Variants in FARP1 observed in about 807,000 individuals in gnomAD.
FARP1 encodes FERM, ARH/RhoGEF and pleckstrin domain protein 1.
A neutral mutation model predicts 128.8 loss-of-function variants in FARP1; 52 were observed. That is an observed-to-expected ratio of 0.40 (90% CI 0.32 to 0.51). The LOEUF is 0.51. Among genes scored for constraint, FARP1 ranks in the 20% least tolerant of loss-of-function variants. The pLI, the probability that FARP1 is intolerant of heterozygous loss-of-function variation, is 0.45. For synonymous variants in FARP1, 580 were observed against 551.8 expected, an observed-to-expected ratio of 1.05 and a Z score of -0.72; for missense variants, 1,333 against 1,367.9, an observed-to-expected ratio of 0.97 and a Z score of 0.40.
intron 1 of FARP1, among the ~76,000 whole-genome samples, chr13:98,159,821 A>G (rs1338979358): frequency 3.9e-5 from 6 of 152,062 alleles, no homozygotes; most frequent in Non-Finnish European, 8.8e-5. Flanking sequence ...TTAATTATGG[A>G]GTATTTGGCA....
intron 1 of FARP1, among the ~76,000 whole-genome samples, chr13:98,161,528 C>A (rs565883015): frequency 1.3e-5 from 2 of 151,852 alleles, no homozygotes; most frequent in Admixed American, 6.6e-5. Context: ...CTTCAGTAGT[C>A]TTTAAGTCAA....
At chr13:98,214,488 A>G (rs79707870) in intron 2 of FARP1, among the ~76,000 whole-genome samples, 2,373 of 152,252 alleles carry the variant, frequency 0.016, 59 homozygotes, top group African/African-American at 0.054. Flanking sequence ...CATAGAGATG[A>G]TCTGTGTGTC....
Position 98,446,676 on chromosome 13 carries a change from C to T in FARP1, c.2915C>T (p.Pro972Leu). 6.2e-7 allele frequency: 1 copy of T among 1,614,106 alleles called. No homozygotes were observed. The highest frequency in any genetic ancestry group is 2.2e-5 in the East Asian group (1 of 44,860). Residue 972 changes from proline to leucine, a missense_variant, in exon 26 of 27, where the codon CCC (proline) becomes CTC (leucine). Pro to Leu is a moderately conservative substitution (Grantham distance 98). Around this residue, in one of 2 missense-constraint regions of FARP1, gnomAD observed 1,009 missense variants for 969.8 expected, o/e 1.04. Transcript: ENST00000319562. Reference protein sequence around the residue: ...FFYKSHQDNHPLASLPLLGYS... With the variant: ...FFYKSHQDNHLLASLPLLGYS... ...GTTTCCCCTTTCCAGGACAATCATC[C>T]CCTTGCCAGCCTGCCTCTGCTCGGC...
rs1444314074 is a variant in FARP1 at position 98,450,926 on chromosome 13, TC to T, written c.*2611del. 14 of 152,046 alleles carry T rather than the reference TC, an allele frequency of 9.2e-5. No individual in the cohort carries two copies. The highest frequency in any genetic ancestry group is 3.4e-4 in the African/African-American group (14 of 41,366). The allele number at this position is 152,046 out of a possible 1,614,324, so 9.4% of individuals were successfully genotyped here. ...TGTACACAGAGGCGAGCTTTCTAAC[TC>T]CATCAAACCCCACCTCCCCCGACAG... On this transcript the variant is annotated 3_prime_UTR_variant, in exon 27 of 27. Transcript: ENST00000319562.
intron 1 of FARP1, among the ~76,000 whole-genome samples, chr13:98,146,009 C>T (rs1875526921): frequency 6.6e-6 from 1 of 151,810 alleles, no homozygotes; most frequent in South Asian, 2.1e-4. Flanking sequence ...TATTGAACAC[C>T]TAAGAGCTTA....
intron 2 of FARP1, among the ~76,000 whole-genome samples, chr13:98,223,032 G>A (rs1881519262): frequency 6.6e-6 from 1 of 152,084 alleles, no homozygotes; most frequent in Admixed American, 6.6e-5. Context: ...ATCTCCACAT[G>A]GTAGTTACTG....
intron 1 of FARP1, among the ~76,000 whole-genome samples, chr13:98,172,257 G>A (rs556482843): frequency 1.3e-5 from 2 of 152,132 alleles, no homozygotes; most frequent in African/African-American, 2.4e-5. Context: ...GGGATGTCTC[G>A]GTGGCTGTCG....
chr13:98,379,122 A>T (rs1383673031), intron 6 of FARP1, among the ~76,000 whole-genome samples: 1 of 54,156 alleles, frequency 1.8e-5, no homozygotes, highest in Non-Finnish European at 2.9e-5. Context: ...ATCTATATAT[A>T]ATATATATAT....
chr13:98,257,382 C>A (rs186812267), intron 2 of FARP1, among the ~76,000 whole-genome samples: 2 of 152,284 alleles, frequency 1.3e-5, no homozygotes, highest in East Asian at 3.9e-4. Context: ...AATACACATT[C>A]TTCTTTTCCT....
intron 2 of FARP1, among the ~76,000 whole-genome samples, chr13:98,216,182 C>T (rs1219347280): frequency 6.6e-6 from 1 of 152,172 alleles, no homozygotes; most frequent in East Asian, 1.9e-4. Flanking sequence ...CACATATCAG[C>T]ATTTTTATTG....
At chr13:98,388,553 C>T (rs150600181) in intron 9 of FARP1, 75 bp downstream of exon 9, 1,357 of 1,106,934 alleles carry the variant, frequency 1.2e-3, no homozygotes, top group Non-Finnish European at 1.8e-3. Flanking sequence ...TGGAGGTCTG[C>T]TTGGCAGGGC....
rs1229443060 is a variant in FARP1, at chr13:98,176,759, T to C, written c.-24+33267T>C. The C allele has an allele frequency of 6.2e-7, 1 of 1,614,040 alleles. No individual in the cohort carries two copies. The highest frequency in any genetic ancestry group is 2.2e-5 in the East Asian group (1 of 44,842). On this transcript the variant is annotated intron_variant, in intron 1 of 26. Transcript: ENST00000319562. This position sits in a 1 kb window ranked among gnomAD's most constrained non-coding sequence, Gnocchi z 6.2. ...GAGGAGTTGCCCATGGACGTGTCCT[T>C]GGGCTTCAGGTACCTCAGGTAGCTG...
At chr13:98,162,775 G>A (rs1052504338) in intron 1 of FARP1, among the ~76,000 whole-genome samples, 9 of 152,226 alleles carry the variant, frequency 5.9e-5, no homozygotes, top group African/African-American at 1.4e-4. Flanking sequence ...TGGCTGAGGC[G>A]CCTTGCAAGT....
intron 2 of FARP1, among the ~76,000 whole-genome samples, chr13:98,272,807 CA>C (rs1884451996): frequency 6.6e-6 from 1 of 152,150 alleles, no homozygotes; most frequent in Non-Finnish European, 1.5e-5. Flanking sequence ...GGATTGGGCT[CA>C]GAGTGGGGCC....
At position 98,440,128 on chromosome 13, in the gene FARP1, G is replaced by T. The variant is rs530354815; in HGVS notation, c.2522G>T (p.Arg841Leu). Residue 841 changes from arginine to leucine, a missense_variant, in exon 23 of 27, where the codon CGG becomes CTG. Arg to Leu is a moderately radical substitution (Grantham distance 102). Transcript: ENST00000319562. The stretch of plus-strand genomic sequence containing the variant: ...TGACGCGTCTCTGTCTCCAGTTCTC[G>T]GTCCGAGATGGAGAAGTGGGTTGAG... ...RQSIIVAASS[R>L]SEMEKWVEDI... The T allele has an allele frequency of 2.5e-6, 4 of 1,613,406 alleles. No individual in the cohort carries two copies. The South Asian group carries it at 3.3e-5, about 13-fold the overall frequency.
intron 24 of FARP1, chr13:98,445,290 G>C (rs1892753410): frequency 6.6e-6 from 1 of 152,294 alleles, no homozygotes; most frequent in African/African-American, 2.4e-5. Flanking sequence ...CCTTTACAAG[G>C]TGGTGCAACT....
At chr13:98,313,815 C>T (rs541317924) in intron 2 of FARP1, among the ~76,000 whole-genome samples, 4 of 152,374 alleles carry the variant, frequency 2.6e-5, no homozygotes, top group African/African-American at 4.8e-5. Flanking sequence ...CCAGCCGCCT[C>T]CTCATCTCGG....
intron 2 of FARP1, among the ~76,000 whole-genome samples, chr13:98,327,120 C>T (rs1000771728): frequency 3.3e-5 from 5 of 152,174 alleles, no homozygotes; most frequent in African/African-American, 7.2e-5. Context: ...ATTCACATTT[C>T]GAATGCTGTC....
At position 98,440,163 on chromosome 13, in the gene FARP1, A is replaced by G. The variant is rs199981965; in HGVS notation, c.2557A>G (p.Met853Val). The G allele has an allele frequency of 2.8e-5, 45 of 1,614,072 alleles. No individual in the cohort carries two copies. In the Admixed American group the frequency reaches 3.3e-4, roughly 12 times the overall value. Residue 853 changes from methionine (M) to valine (V), a missense_variant, in exon 23 of 27, where the codon ATG becomes GTG. Met to Val is a conservative substitution (Grantham distance 21). Coordinates refer to ENST00000319562, the MANE Select transcript of FARP1 (RefSeq NM_005766.4). Reference protein sequence around the residue: ...EMEKWVEDIQMAIDLAEKSSS... With the variant: ...EMEKWVEDIQVAIDLAEKSSS... ...GGAGAAGTGGGTTGAGGACATCCAG[A>G]TGGCCATTGACCTGGCGGAGAAGAG...
Sources: gnomAD v4.1 joint callset for allele counts (sites outside exome capture counted in the v4.1 genomes callset) on GRCh38, gnomAD v4.1.1 for gene constraint, gnomAD v4.1.1 regional missense constraint, Gnocchi (gnomAD v3.1) non-coding constraint, MANE v1.5 for transcripts, NCBI Gene and HGNC (gene_info 2026-07-23, HGNC 2026-07-21) for gene names.